The following PDE4D variants were observed in gnomAD, a reference collection of about 807,000 sequenced individuals.
PDE4D encodes the protein 3',5'-cyclic-AMP phosphodiesterase 4D.
Under a neutral mutation model 87.4 loss-of-function variants are expected in PDE4D, and 24 were observed. That is an observed-to-expected ratio of 0.27 (90% CI 0.20 to 0.39). The LOEUF (loss-of-function observed/expected upper bound fraction) is 0.39, where lower values mean the gene tolerates loss of function less well. PDE4D is among the 10% of genes least tolerant of loss of function. PDE4D has a pLI of 1.00. For missense variants in PDE4D, 714 were observed against 1,041.0 expected (o/e 0.69, Z 4.32); for synonymous variants, 384 against 383.2 (o/e 1.00, Z -0.02).
intron 1 of PDE4D, among the ~76,000 whole-genome samples, chr5:59,834,609 A>G (rs1016968947): frequency 6.6e-6 from 1 of 152,046 alleles, no homozygotes; most frequent in African/African-American, 2.4e-5. Context: ...CTCCAAATTC[A>G]AAGGCTAAAC....
chr5:59,345,856 C>T (rs1039351083), intron 1 of PDE4D, among the ~76,000 whole-genome samples: 3 of 152,152 alleles, frequency 2.0e-5, no homozygotes, highest in Admixed American at 6.5e-5. Context: ...ATATACCCAA[C>T]CTACGTGTAT....
intron 1 of PDE4D, among the ~76,000 whole-genome samples, chr5:59,672,308 T>A (rs1747350244): frequency 6.6e-6 from 1 of 152,162 alleles, no homozygotes; most frequent in Non-Finnish European, 1.5e-5. Flanking sequence ...GGCTCAGAGA[T>A]AATTATTATG....
At chr5:59,853,213 G>A (rs1744941580) in intron 1 of PDE4D, among the ~76,000 whole-genome samples, 3 of 151,896 alleles carry the variant, frequency 2.0e-5, no homozygotes, top group Admixed American at 2.0e-4. Context: ...TCTGGGAGGA[G>A]GAATTTAAAT....
At chr5:59,716,180 C>T (rs1754992948) in intron 1 of PDE4D, among the ~76,000 whole-genome samples, 1 of 152,236 alleles carries the variant, frequency 6.6e-6, no homozygotes, top group South Asian at 2.1e-4. Context: ...CAACTCTGCA[C>T]ATTATGTAAC....
intron 6 of PDE4D, among the ~76,000 whole-genome samples, chr5:59,026,093 T>C (rs778304181): frequency 6.6e-6 from 1 of 152,246 alleles, no homozygotes; most frequent in African/African-American, 2.4e-5. Flanking sequence ...TATTCAGTTA[T>C]GTCATTTTCA....
At chr5:60,418,780 T>C (rs1191740291) in intron 1 of PDE4D, among the ~76,000 whole-genome samples, 1 of 152,172 alleles carries the variant, frequency 6.6e-6, no homozygotes, top group Non-Finnish European at 1.5e-5. Context: ...AATAAGTTAC[T>C]AACTCTAGTC....
Position 59,661,074 on chromosome 5 carries a change from T to TATATA in PDE4D, c.455+232093_455+232094insTATAT, listed in dbSNP as rs10646455. Among the ~76,000 whole-genome samples, 3 of 140,082 alleles carry TATATA rather than the reference T, an allele frequency of 2.1e-5. 1 individual carries two copies. Among genetic ancestry groups the TATATA allele is most frequent in the African/African-American group, 8.1e-5 (3 of 36,902 alleles). 91.9% of individuals were successfully genotyped at this position (140,082 alleles called of 152,430 possible). On this transcript the variant is annotated intron_variant, in intron 1 of 14. Transcript: ENST00000340635. ...CCAGCACTGCATTTTCATGATAATATTATATATATATATATATATATATTT... is the reference window on the plus strand; with the variant it reads ...CCAGCACTGCATTTTCATGATAATATATATATATATATATATATATATATATATTT...
intron 5 of PDE4D, among the ~76,000 whole-genome samples, chr5:59,088,621 T>A (rs546802208): frequency 6.6e-6 from 1 of 152,180 alleles, no homozygotes; most frequent in Non-Finnish European, 1.5e-5. Context: ...TATGAAGCCA[T>A]AAAAAAGAAT....
chr5:60,017,214 G>A (rs939039666), intron 2 of PDE4D, among the ~76,000 whole-genome samples: 2 of 152,160 alleles, frequency 1.3e-5, no homozygotes, highest in Non-Finnish European at 2.9e-5. Flanking sequence ...AGTATATCAT[G>A]CTGCAGACAG....
At chr5:59,769,201 TCTCC>T (rs1369028186) in intron 1 of PDE4D, among the ~76,000 whole-genome samples, 1 of 152,146 alleles carries the variant, frequency 6.6e-6, no homozygotes, top group Admixed American at 6.5e-5. Flanking sequence ...ATTGACTTTT[TCTCC>T]CTCTGTCTCT....
chr5:59,424,660 G>C (rs761730777), intron 1 of PDE4D, among the ~76,000 whole-genome samples: 1 of 152,094 alleles, frequency 6.6e-6, no homozygotes, highest in Non-Finnish European at 1.5e-5. Context: ...GAGCAGCATG[G>C]GGAAACTGCC....
At chr5:59,002,598 A>C (rs1750760776) in intron 6 of PDE4D, among the ~76,000 whole-genome samples, 1 of 152,172 alleles carries the variant, frequency 6.6e-6, no homozygotes, top group Non-Finnish European at 1.5e-5. Context: ...AAGAAAGAGC[A>C]CACATGCCTG....
rs1187908467 is a variant in PDE4D, at chr5:59,762,527, G to T, written c.455+130641C>A. 1.1e-3 allele frequency among the ~76,000 whole-genome samples: 95 copies of T among 90,392 alleles called. 4 individuals carry two copies. The highest frequency in any genetic ancestry group is 4.5e-3 in the African/African-American group (82 of 18,120). 59.3% of individuals were successfully genotyped at this position (90,392 alleles called of 152,430 possible). On this transcript the variant is annotated intron_variant, in intron 1 of 14. Transcript: ENST00000340635. Reference sequence around the variant, plus strand: ...ACACATATGTGTATATGTGTATATGGGTACACATGTGTATATGTGTATATG... The same window carrying T: ...ACACATATGTGTATATGTGTATATGTGTACACATGTGTATATGTGTATATG...
At chr5:60,145,604 A>G (rs1780921126) in intron 2 of PDE4D, among the ~76,000 whole-genome samples, 1 of 152,124 alleles carries the variant, frequency 6.6e-6, no homozygotes, top group Non-Finnish European at 1.5e-5. Flanking sequence ...AACTTTTTTC[A>G]TTTCCACACA....
intron 5 of PDE4D, among the ~76,000 whole-genome samples, chr5:59,127,559 A>G (rs1345140166): frequency 5.3e-5 from 8 of 151,662 alleles, no homozygotes; most frequent in Non-Finnish European, 1.2e-4. Context: ...AAGAAAGAAG[A>G]GTTCAGCTGG....
intron 3 of PDE4D, among the ~76,000 whole-genome samples, chr5:59,946,385 G>A (rs1006080493): frequency 5.9e-5 from 9 of 152,122 alleles, no homozygotes; most frequent in Admixed American, 3.3e-4. Context: ...CAGGGAGGTC[G>A]GGAATTAGTT....
At chr5:59,725,415 A>AT (rs1252943595) in intron 1 of PDE4D, among the ~76,000 whole-genome samples, 7 of 152,108 alleles carry the variant, frequency 4.6e-5, no homozygotes, top group Admixed American at 2.0e-4. Flanking sequence ...TTTGTTGAAT[A>AT]TTTTTAAAGT....
intron 1 of PDE4D, among the ~76,000 whole-genome samples, chr5:59,331,487 G>C (rs1352933465): frequency 6.6e-6 from 1 of 152,094 alleles, no homozygotes; most frequent in African/African-American, 2.4e-5. Context: ...CCTATTTACA[G>C]GCTCAATCTT....
chr5:59,420,804 T>G (rs1286675835), intron 1 of PDE4D, among the ~76,000 whole-genome samples: 1 of 151,936 alleles, frequency 6.6e-6, no homozygotes, highest in Non-Finnish European at 1.5e-5. Flanking sequence ...AACACCAGTA[T>G]CATATGAATC....
Sources: allele counts gnomAD v4.1 joint callset (sites outside exome capture counted in the v4.1 genomes callset), GRCh38; gene constraint gnomAD v4.1.1; transcripts MANE v1.5; gene names NCBI Gene and HGNC (gene_info 2026-07-23, HGNC 2026-07-21).